The following LARGE1 variants were observed in gnomAD, a reference collection of about 807,000 sequenced individuals.
LARGE1 encodes xylosyl- and glucuronyltransferase LARGE1.
Under a neutral mutation model 87.6 loss-of-function variants are expected in LARGE1, and 43 were observed. The ratio of observed to expected loss-of-function variants is 0.49; its 90% CI spans 0.38 to 0.63. LARGE1 has a LOEUF of 0.63. Ranked by LOEUF, LARGE1 falls within the 30% of genes least tolerant of loss-of-function variation. The probability of loss-of-function intolerance (pLI) is 0.00; values close to 1 mark genes in which losing one functional copy is unlikely to be tolerated. For missense variants in LARGE1, 802 were observed against 1,000.2 expected (o/e 0.80, Z 2.67); for synonymous variants, 434 against 394.6 (o/e 1.10, Z -1.18).
At chr22:33,244,837 G>A (rs1286268004) in intron 11 of LARGE1, among the ~76,000 whole-genome samples, 1 of 152,146 alleles carries the variant, frequency 6.6e-6, no homozygotes, top group Non-Finnish European at 1.5e-5. Context: ...CGTAAGGAGG[G>A]GGAGGGGAAG....
At chr22:33,301,878 G>A (rs1423947952) in intron 12 of LARGE1, among the ~76,000 whole-genome samples, 1 of 151,972 alleles carries the variant, frequency 6.6e-6, no homozygotes, top group Admixed American at 6.6e-5. Flanking sequence ...ATAAAACATA[G>A]AAAGACAAAG....
intron 2 of LARGE1, among the ~76,000 whole-genome samples, chr22:33,748,542 C>T (rs948234157): frequency 1.3e-5 from 2 of 152,178 alleles, no homozygotes; most frequent in Admixed American, 6.5e-5. Context: ...TCGTTTTCAT[C>T]TTGCAAAAAC....
intron 12 of LARGE1, among the ~76,000 whole-genome samples, chr22:33,291,262 C>G (rs5749601): frequency 6.6e-6 from 1 of 152,034 alleles, no homozygotes; most frequent in South Asian, 2.1e-4. Context: ...AGTGAAGACC[C>G]GGGAGAAGAG....
chr22:33,915,099 G>A (rs1481549343), intron 1 of LARGE1, among the ~76,000 whole-genome samples: 1 of 151,170 alleles, frequency 6.6e-6, no homozygotes, highest in East Asian at 1.9e-4. Context: ...CCTTCTGGCT[G>A]CTGTTTCTAA....
chr22:33,846,659 T>A (rs550362065), intron 1 of LARGE1, among the ~76,000 whole-genome samples: 2 of 152,118 alleles, frequency 1.3e-5, no homozygotes, highest in East Asian at 3.9e-4. Flanking sequence ...GCAAGGAACA[T>A]CCCTCGGAAA....
At chr22:33,399,020 A>T (rs900753268) in intron 7 of LARGE1, among the ~76,000 whole-genome samples, 1 of 152,188 alleles carries the variant, frequency 6.6e-6, no homozygotes, top group Non-Finnish European at 1.5e-5. Flanking sequence ...TACAACATGC[A>T]GGTTTGTTAC....
At chr22:33,459,322 C>G (rs934757659) in intron 6 of LARGE1, among the ~76,000 whole-genome samples, 5 of 152,114 alleles carry the variant, frequency 3.3e-5, no homozygotes, top group Non-Finnish European at 7.3e-5. Flanking sequence ...TCCAAATGCA[C>G]AGGCCTCAGG....
chr22:33,718,210 A>G (rs2149428681), intron 2 of LARGE1, among the ~76,000 whole-genome samples: 1 of 152,326 alleles, frequency 6.6e-6, no homozygotes, highest in East Asian at 1.9e-4. Context: ...CCTGGGGATC[A>G]ATACCAACAG....
At chr22:33,154,001 C>T in the LARGE1 span, among the ~76,000 whole-genome samples, 1 of 152,120 alleles carries the variant, frequency 6.6e-6, no homozygotes, top group African/African-American at 2.4e-5. Flanking sequence ...GTGGGGTTCA[C>T]TTCTTATCCT....
chr22:33,701,015 G>T (rs915607278), intron 2 of LARGE1, among the ~76,000 whole-genome samples: 1 of 152,144 alleles, frequency 6.6e-6, no homozygotes, highest in Admixed American at 6.5e-5. Flanking sequence ...TGGATTTCCT[G>T]GGATCTTGTT....
At chr22:33,661,988 A>G (rs2081136898) in intron 2 of LARGE1, among the ~76,000 whole-genome samples, 1 of 151,116 alleles carries the variant, frequency 6.6e-6, no homozygotes, top group Non-Finnish European at 1.5e-5. Context: ...AGGGGTGTCC[A>G]ATCTTTTGGC....
intron 6 of LARGE1, among the ~76,000 whole-genome samples, chr22:33,529,199 T>C (rs1485694891): frequency 6.6e-6 from 1 of 152,132 alleles, no homozygotes; most frequent in African/African-American, 2.4e-5. Flanking sequence ...GGAGTAGAAA[T>C]GGTGAGCCCT....
At chr22:33,158,814 T>C (rs953565940), downstream of LARGE1, among the ~76,000 whole-genome samples, 1 of 152,144 alleles carries the variant, frequency 6.6e-6, no homozygotes, top group African/African-American at 2.4e-5. Flanking sequence ...AGTTCTTCAA[T>C]CAGATATGGC....
intron 1 of LARGE1, among the ~76,000 whole-genome samples, chr22:33,779,767 C>G (rs5754668): frequency 0.13 from 17,804 of 138,466 alleles, 1,210 homozygotes; most frequent in Middle Eastern, 0.22. Context: ...GCCTGGGCAA[C>G]AAGAGCAAAA....
chr22:33,308,270 G>A (rs1935164410), intron 11 of LARGE1, among the ~76,000 whole-genome samples: 2 of 152,132 alleles, frequency 1.3e-5, no homozygotes, highest in African/African-American at 2.4e-5. Flanking sequence ...AGTGTCTGCT[G>A]GGATGGGGAA....
In LARGE1 at chr22:33,788,893, A is replaced by G. The variant is rs2085733364; in HGVS notation, c.-82-27335T>C. 3.3e-5 allele frequency among the ~76,000 whole-genome samples: 5 copies of G among 152,376 alleles called. No individual in the cohort carries two copies. In the South Asian group the frequency reaches 1.0e-3, roughly 32 times the overall value. On this transcript the variant is annotated intron_variant, in intron 1 of 14. Transcript: ENST00000397394. ...TTTGGAATTGGAATTTATGTTTACA[A>G]GAGAAGCAAAGCATAAAAGTTTTGA...
chr22:33,742,761 C>T (rs1377240339), intron 2 of LARGE1, among the ~76,000 whole-genome samples: 1 of 152,194 alleles, frequency 6.6e-6, no homozygotes, highest in East Asian at 1.9e-4. Flanking sequence ...AAAGGCATCC[C>T]TATCTTTCTT....
rs569360899 is a variant in LARGE1 at position 33,472,968 on chromosome 22, G to A, written c.788-40703C>T. On this transcript the variant is annotated intron_variant, in intron 6 of 14. Transcript: ENST00000397394. ...GTTGATGCCTGCACAAGATCATTTC[G>A]TCCTGTCTTCTAGAGCACTGGGGTG... Among the ~76,000 whole-genome samples, 8 of 152,278 alleles carry A rather than the reference G, an allele frequency of 5.3e-5. No individual in the cohort carries two copies. The East Asian group carries it at 1.4e-3, about 26-fold the overall frequency.
At chr22:33,789,445 C>T (rs2085753491) in intron 1 of LARGE1, among the ~76,000 whole-genome samples, 1 of 152,204 alleles carries the variant, frequency 6.6e-6, no homozygotes, top group Admixed American at 6.5e-5. Flanking sequence ...GTTGGATCCC[C>T]CACACAGAGT....
Sources: allele counts gnomAD v4.1 joint callset (sites outside exome capture counted in the v4.1 genomes callset), GRCh38; gene constraint gnomAD v4.1.1; transcripts MANE v1.5; gene names NCBI Gene and HGNC (gene_info 2026-07-23, HGNC 2026-07-21).